Variants in SDHC observed in about 807,000 individuals in gnomAD.
The protein encoded by SDHC is succinate dehydrogenase complex subunit C.
A neutral mutation model predicts 22.6 loss-of-function variants in SDHC; 11 were observed. The ratio of observed to expected loss-of-function variants is 0.49; its 90% CI spans 0.31 to 0.81. The LOEUF is 0.81. Among genes scored for constraint, SDHC ranks in the 30% least tolerant of loss-of-function variants. The pLI is 0.05. For synonymous variants in SDHC, 80 were observed against 77.8 expected, an observed-to-expected ratio of 1.03 and a Z score of -0.15; for missense variants, 160 against 212.0, an observed-to-expected ratio of 0.75 and a Z score of 1.52.
At chr1:161,329,930 T>A (rs113230013) in intron 3 of SDHC, among the ~76,000 whole-genome samples, 2 of 152,212 alleles carry the variant, frequency 1.3e-5, no homozygotes, top group Non-Finnish European at 2.9e-5. Context: ...CTTTTCTCCT[T>A]TCAAGGGACC....
chr1:161,314,517 C>A, intron 1 of SDHC, 92 bp downstream of exon 1: 1 of 1,499,978 alleles, frequency 6.7e-7, no homozygotes, highest in Non-Finnish European at 9.3e-7. Flanking sequence ...TTATCCTGTG[C>A]CTGGGCAGGG....
intron 4 of SDHC, among the ~76,000 whole-genome samples, chr1:161,355,214 A>G (rs1299151681): frequency 6.6e-6 from 1 of 152,096 alleles, no homozygotes; most frequent in Non-Finnish European, 1.5e-5. Flanking sequence ...TTTGATTTGC[A>G]TTTGTCTAAT....
intron 4 of SDHC, among the ~76,000 whole-genome samples, chr1:161,356,037 G>A (rs1212412112): frequency 2.0e-5 from 3 of 150,992 alleles, no homozygotes; most frequent in Non-Finnish European, 4.4e-5. Flanking sequence ...CTCTTCTCTG[G>A]ACTGAGTACA....
chr1:161,335,481 A>G (rs1571861646), intron 3 of SDHC, among the ~76,000 whole-genome samples: 1 of 152,232 alleles, frequency 6.6e-6, no homozygotes, highest in Admixed American at 6.5e-5. Flanking sequence ...TATATATTAT[A>G]ATAATATTTT....
In SDHC at chr1:161,340,574, CTT is replaced by C; in HGVS notation, c.180-18_180-17del. 1.2e-6 allele frequency: 2 copies of C among 1,609,386 alleles called. No homozygotes were observed. The highest frequency in any genetic ancestry group is 1.7e-6 in the Non-Finnish European group (2 of 1,176,180). ...GTCATCTTTTCCTTTTTAAAATTGT[CTT>C]TGTGTGTTTCTTTACAGTTGGTCTC... On this transcript the variant is annotated intron_variant, in intron 3 of 5. Coordinates refer to ENST00000367975, the MANE Select transcript of SDHC (RefSeq NM_003001.5).
At chr1:161,322,350 A>G (rs1466628353) in intron 1 of SDHC, among the ~76,000 whole-genome samples, 15 of 152,284 alleles carry the variant, frequency 9.9e-5, no homozygotes, top group East Asian at 1.9e-4. Context: ...AAAAATGGCA[A>G]TTTTTAAGTA....
intron 4 of SDHC, among the ~76,000 whole-genome samples, chr1:161,342,999 G>A (rs1055871777): frequency 2.6e-5 from 4 of 152,230 alleles, no homozygotes; most frequent in Admixed American, 1.3e-4. Flanking sequence ...CATCATTACA[G>A]TCTTGCCAGG....
chr1:161,319,788 G>A (rs1033242629), intron 1 of SDHC, among the ~76,000 whole-genome samples: 1 of 152,124 alleles, frequency 6.6e-6, no homozygotes, highest in Admixed American at 6.6e-5. Flanking sequence ...CAGGCTCTGA[G>A]GGAGGCTCTA....
At chr1:161,328,105 G>A (rs758237483) in intron 2 of SDHC, among the ~76,000 whole-genome samples, 1 of 151,458 alleles carries the variant, frequency 6.6e-6, no homozygotes, top group Non-Finnish European at 1.5e-5. Flanking sequence ...CTGGGTTCAA[G>A]TGATTCTACT....
At chr1:161,331,738 G>GGC (rs1671283222) in intron 3 of SDHC, among the ~76,000 whole-genome samples, 1 of 151,906 alleles carries the variant, frequency 6.6e-6, no homozygotes, top group South Asian at 2.1e-4. Flanking sequence ...TGGGATTACA[G>GGC]GCGCACACCA....
rs1290998698 is a variant in SDHC at position 161,327,863 on chromosome 1, ATTATT to A, written c.78-520_78-516del. On this transcript the variant is annotated intron_variant, in intron 2 of 5. Coordinates refer to ENST00000367975, the MANE Select transcript of SDHC (RefSeq NM_003001.5). ...AGGCTTGAGCCACTGTGCGTGGCCT[ATTATT>A]TTATTTTATTTTTATTTTTATTTTT... 3.3e-5 allele frequency among the ~76,000 whole-genome samples: 5 copies of A among 151,742 alleles called. No individual in the cohort carries two copies. In the South Asian group the frequency reaches 6.2e-4, roughly 19 times the overall value.
chr1:161,362,693 A>G lies in SDHC; in HGVS notation c.*260A>G. 1.6e-6 allele frequency: 1 copy of G among 641,916 alleles called. No individual in the cohort carries two copies. The highest frequency in any genetic ancestry group is 2.7e-6 in the Non-Finnish European group (1 of 364,662). 39.8% of individuals were successfully genotyped at this position (641,916 alleles called of 1,614,324 possible). On this transcript the variant is annotated 3_prime_UTR_variant, in exon 6 of 6. Coordinates refer to ENST00000367975, the MANE Select transcript of SDHC (RefSeq NM_003001.5). ...ACAGCTTGCCTACTCTCGGCCTAGAAGCAGTTATTCTCTCTCCATATTGGG... is the reference window on the plus strand; with the variant it reads ...ACAGCTTGCCTACTCTCGGCCTAGAGGCAGTTATTCTCTCTCCATATTGGG...
At chr1:161,346,074 G>A (rs1418488963) in intron 4 of SDHC, among the ~76,000 whole-genome samples, 1 of 152,180 alleles carries the variant, frequency 6.6e-6, no homozygotes, top group Admixed American at 6.5e-5. Context: ...CAAAGTGTTG[G>A]GATTACAGGC....
At chr1:161,355,681 A>G (rs1382370798) in intron 4 of SDHC, among the ~76,000 whole-genome samples, 1 of 152,142 alleles carries the variant, frequency 6.6e-6, no homozygotes, top group Non-Finnish European at 1.5e-5. Flanking sequence ...TAGCAACACT[A>G]GAAGATAAAG....
rs186579616 is a variant in SDHC, at chr1:161,361,223, T to C, written c.406-1106T>C. ...CACAAAAAGGAGAAAATATATGTTTTTTAATGAAGTTTATTTATATATAAA... is the reference window on the plus strand; with the variant it reads ...CACAAAAAGGAGAAAATATATGTTTCTTAATGAAGTTTATTTATATATAAA... On this transcript the variant is annotated intron_variant, in intron 5 of 5. Coordinates refer to ENST00000367975, the MANE Select transcript of SDHC (RefSeq NM_003001.5). 5.6e-4 allele frequency among the ~76,000 whole-genome samples: 85 copies of C among 151,742 alleles called. No homozygotes were observed. The East Asian group carries it at 0.015, about 27-fold the overall frequency.
chr1:161,323,643 A>G lies in SDHC; in HGVS notation c.50A>G (p.His17Arg). The G allele has an allele frequency of 1.2e-6, 2 of 1,613,486 alleles. No individual in the cohort carries two copies. The highest frequency in any genetic ancestry group is 1.7e-6 in the Non-Finnish European group (2 of 1,179,622). ...RHVGRHCLRA[H>R]FSPQLCIRNA... Reference sequence around the variant, plus strand: ...GTTGGTCGTCATTGCCTCCGAGCCCACTTTAGCCCTCAGCTCTGTATCAGA... The same window carrying G: ...GTTGGTCGTCATTGCCTCCGAGCCCGCTTTAGCCCTCAGCTCTGTATCAGA... The change falls in exon 2 of 6, where the codon CAC (histidine) becomes CGC (arginine). Residue 17 changes from histidine to arginine, a missense_variant. This residue lies in a region of SDHC where 86 missense variants were observed against 83.4 expected (regional missense o/e 1.03). Coordinates refer to ENST00000367975, the MANE Select transcript of SDHC (RefSeq NM_003001.5).
intron 1 of SDHC, among the ~76,000 whole-genome samples, chr1:161,322,067 T>A (rs1054433071): frequency 6.6e-6 from 1 of 152,244 alleles, no homozygotes; most frequent in Non-Finnish European, 1.5e-5. Flanking sequence ...GATTTCTGAT[T>A]TTTTTCAGAT....
At chr1:161,327,269 A>G (rs1181742203) in intron 2 of SDHC, among the ~76,000 whole-genome samples, 1 of 152,226 alleles carries the variant, frequency 6.6e-6, no homozygotes, top group Non-Finnish European at 1.5e-5. Context: ...TGTAAGGACT[A>G]AACTAAGCTG....
At chr1:161,342,895 T>G (rs377333537) in intron 4 of SDHC, among the ~76,000 whole-genome samples, 5 of 152,204 alleles carry the variant, frequency 3.3e-5, no homozygotes, top group Admixed American at 3.3e-4. Flanking sequence ...CCCACTGTTT[T>G]ACCTTATGTA....
Sources: gnomAD v4.1 joint callset for allele counts (sites outside exome capture counted in the v4.1 genomes callset) on GRCh38, gnomAD v4.1.1 for gene constraint, gnomAD v4.1.1 regional missense constraint, MANE v1.5 for transcripts, NCBI Gene and HGNC (gene_info 2026-07-23, HGNC 2026-07-21) for gene names.